Variants in SPRYD4 observed in about 807,000 individuals in gnomAD.
SPRYD4 encodes SPRY domain containing 4, also known as SPRY domain-containing protein 4.
SPRYD4 carries 12 observed loss-of-function variants against 16.6 expected under a neutral mutation model. The observed-to-expected ratio is 0.72, with a 90% CI of 0.46 to 1.17. SPRYD4 has a LOEUF of 1.17. SPRYD4 is among the 50% of genes most tolerant of loss of function. The pLI, the probability that SPRYD4 is intolerant of heterozygous loss-of-function variation, is 0.00. For missense variants in SPRYD4, 260 were observed against 260.2 expected (o/e 1.00, Z 0.00); for synonymous variants, 98 against 105.4 (o/e 0.93, Z 0.43).
chr12:56,473,112 A>T lies in SPRYD4; in HGVS notation c.*3535A>T, dbSNP rs1029867797. ...CACCGTGTTAGCCAGGATGGTCTTG[A>T]TCTCCTGACCTTGTGATCCGCCCGC... On this transcript the variant is annotated 3_prime_UTR_variant, in exon 2 of 2. Transcript: ENST00000338146. 34 of 910,080 alleles carry T rather than the reference A, an allele frequency of 3.7e-5. No homozygotes were observed. Among genetic ancestry groups the T allele is most frequent in the Admixed American group, 2.4e-4 (10 of 42,500 alleles). 56.4% of individuals were successfully genotyped at this position (910,080 alleles called of 1,614,324 possible). A position where few individuals can be genotyped will look rare whatever the true frequency, so the allele number is the denominator to read the frequency against.
Position 56,474,022 on chromosome 12 carries a change from C to A in SPRYD4, c.*4445C>A. On this transcript the variant is annotated 3_prime_UTR_variant, in exon 2 of 2. Transcript: ENST00000338146. ...TTGGAAATGACATCTAAGCTGAGACCCCAAGGAGAAGAGCCAGCAATGTGA... is the reference window on the plus strand; with the variant it reads ...TTGGAAATGACATCTAAGCTGAGACACCAAGGAGAAGAGCCAGCAATGTGA... 5.6e-6 allele frequency: 1 copy of A among 178,216 alleles called. No homozygotes were observed. The highest frequency in any genetic ancestry group is 5.4e-5 in the Admixed American group (1 of 18,364). The allele number at this position is 178,216 out of a possible 1,614,324, so 11.0% of individuals were successfully genotyped here. A position where few individuals can be genotyped will look rare whatever the true frequency, so the allele number is the denominator to read the frequency against.
chr12:56,475,702 A>G lies in SPRYD4; in HGVS notation c.*6125A>G. 6.2e-7 allele frequency: 1 copy of G among 1,613,940 alleles called. No homozygotes were observed. Among genetic ancestry groups the G allele is most frequent in the Non-Finnish European group, 8.5e-7 (1 of 1,179,800 alleles). On this transcript the variant is annotated 3_prime_UTR_variant, in exon 2 of 2. Transcript: ENST00000338146. Reference sequence around the variant, plus strand: ...CAACACCTGGAAGAGAAAAAGGGACATTGAGGCTCCACTTGGTTAAGAAGC... The same window carrying G: ...CAACACCTGGAAGAGAAAAAGGGACGTTGAGGCTCCACTTGGTTAAGAAGC...
Position 56,472,685 on chromosome 12 carries a change from A to G in SPRYD4, c.*3108A>G, listed in dbSNP as rs761742311. 10 of 1,613,402 alleles carry G rather than the reference A, an allele frequency of 6.2e-6. No homozygotes were observed. The highest frequency in any genetic ancestry group is 8.5e-6 in the Non-Finnish European group (10 of 1,179,472). ...ATTGTGTATATTTGGTCACAGTAGCATTACCTTCGAAGAGCTGAGACATCG... is the reference window on the plus strand; with the variant it reads ...ATTGTGTATATTTGGTCACAGTAGCGTTACCTTCGAAGAGCTGAGACATCG... On this transcript the variant is annotated 3_prime_UTR_variant, in exon 2 of 2. Transcript: ENST00000338146.
At position 56,469,303 on chromosome 12, in the gene SPRYD4, T is replaced by C; in HGVS notation, c.350T>C (p.Val117Ala). ...ATGTCCCGGGATAGCTGCATTGGTG[T>C]TGATGATCGTTCCTGGGTGTTCACC... ...VDMSRDSCIG[V>A]DDRSWVFTYA... is the part of the protein sequence containing the mutation. The change falls in exon 2 of 2, where the codon GTT becomes GCT. Residue 117 changes from valine (V) to alanine (A), a missense_variant. Physicochemically the swap from Val to Ala is moderately conservative, Grantham distance 64. Transcript: ENST00000338146. The C allele has an allele frequency of 1.9e-6, 3 of 1,614,102 alleles. No individual in the cohort carries two copies. Among genetic ancestry groups the C allele is most frequent in the Non-Finnish European group, 1.7e-6 (2 of 1,180,002 alleles).
rs1869768062 is a variant in SPRYD4 at position 56,475,924 on chromosome 12, C to A, written c.*6347C>A. On this transcript the variant is annotated 3_prime_UTR_variant, in exon 2 of 2. Coordinates refer to ENST00000338146, the MANE Select transcript of SPRYD4 (RefSeq NM_207344.4). The stretch of plus-strand genomic sequence containing the variant: ...TGCCATGGCGAAATGCAGCCAGGGG[C>A]TAAGTAGCAAGGGAACTTACAAAAT... 1.2e-6 allele frequency: 2 copies of A among 1,613,430 alleles called. No individual in the cohort carries two copies. Among genetic ancestry groups the A allele is most frequent in the African/African-American group, 2.7e-5 (2 of 74,864 alleles).
In SPRYD4 at chr12:56,472,092, C is replaced by T. The variant is rs1869330901; in HGVS notation, c.*2515C>T. The T allele has an allele frequency of 3.7e-6, 6 of 1,609,628 alleles. No homozygotes were observed. The East Asian group carries it at 1.3e-4, about 36-fold the overall frequency. On this transcript the variant is annotated 3_prime_UTR_variant, in exon 2 of 2. Transcript: ENST00000338146. Reference sequence around the variant, plus strand: ...AAGAAAGGGTCTTATGATTACCCTCCTCCTCCCCTCCTTAACCCTTCAGTA... The same window carrying T: ...AAGAAAGGGTCTTATGATTACCCTCTTCCTCCCCTCCTTAACCCTTCAGTA...
In SPRYD4 at chr12:56,475,835, A is replaced by G; in HGVS notation, c.*6258A>G. 1.4e-6 allele frequency: 2 copies of G among 1,411,036 alleles called. No homozygotes were observed. Among genetic ancestry groups the G allele is most frequent in the Non-Finnish European group, 2.0e-6 (2 of 997,598 alleles). 87.4% of individuals were successfully genotyped at this position (1,411,036 alleles called of 1,614,324 possible). A position where few individuals can be genotyped will look rare whatever the true frequency, so the allele number is the denominator to read the frequency against. On this transcript the variant is annotated 3_prime_UTR_variant, in exon 2 of 2. Transcript: ENST00000338146. ...CCACATTTCTGGAAATAAGGCTTCT[A>G]GTATGGGCTGGTGCACCTGGTAGTG... is the stretch of plus-strand genomic sequence containing the variant.
Position 56,475,193 on chromosome 12 carries a change from C to A in SPRYD4, c.*5616C>A, listed in dbSNP as rs749681368. Reference sequence around the variant, plus strand: ...GGAAAAATTACCTTCCCTGGAGAGACAGAACTACATCACACCACAAACTAA... The same window carrying A: ...GGAAAAATTACCTTCCCTGGAGAGAAAGAACTACATCACACCACAAACTAA... On this transcript the variant is annotated 3_prime_UTR_variant, in exon 2 of 2. Coordinates refer to ENST00000338146, the MANE Select transcript of SPRYD4 (RefSeq NM_207344.4). The A allele has an allele frequency of 6.2e-7, 1 of 1,605,966 alleles. No homozygotes were observed. Among genetic ancestry groups the A allele is most frequent in the Non-Finnish European group, 8.5e-7 (1 of 1,179,942 alleles).
chr12:56,468,901 C>T, intron 1 of SPRYD4, 138 bp from the exon 2 acceptor site: 1 of 1,207,366 alleles, frequency 8.3e-7, no homozygotes, highest in Non-Finnish European at 1.1e-6. Flanking sequence ...AGCGACCTCG[C>T]GACTCTCTTG....
Position 56,471,291 on chromosome 12 carries a change from A to G in SPRYD4, c.*1714A>G, listed in dbSNP as rs147621981. On this transcript the variant is annotated 3_prime_UTR_variant, in exon 2 of 2. Transcript: ENST00000338146. Reference sequence around the variant, plus strand: ...ATAGCTGTACTGCAGGTGTCCTCTGAGGCCCTTCTCTGTACTCTGTCTGCT... The same window carrying G: ...ATAGCTGTACTGCAGGTGTCCTCTGGGGCCCTTCTCTGTACTCTGTCTGCT... The G allele has an allele frequency of 4.5e-4, 256 of 572,042 alleles. 2 individuals are homozygous for G. Among genetic ancestry groups the G allele is most frequent in the African/African-American group, 4.4e-3 (234 of 53,428 alleles). The allele number at this position is 572,042 out of a possible 1,614,324, so 35.4% of individuals were successfully genotyped here.
Position 56,469,704 on chromosome 12 carries a change from TATCATG to T in SPRYD4, c.*133_*138del. On this transcript the variant is annotated 3_prime_UTR_variant, in exon 2 of 2. Coordinates refer to ENST00000338146, the MANE Select transcript of SPRYD4 (RefSeq NM_207344.4). ...ATTCAGTGTTGGGTCCTCTGTGCAATATCATGATCATCTTCCTCATCCCCTACCTTG... is the reference window on the plus strand; with the variant it reads ...ATTCAGTGTTGGGTCCTCTGTGCAATATCATCTTCCTCATCCCCTACCTTG... 1 of 904,974 alleles carries T rather than the reference TATCATG, an allele frequency of 1.1e-6. No individual in the cohort carries two copies. 56.1% of individuals were successfully genotyped at this position (904,974 alleles called of 1,614,324 possible).
chr12:56,478,110 G>C lies in SPRYD4; in HGVS notation c.*8533G>C, dbSNP rs780048669. ...CCCACAGAGTGCCTGGAGGCAGACA[G>C]ATGCCATGAAAGGGGTTGGCCTGTG... On this transcript the variant is annotated 3_prime_UTR_variant, in exon 2 of 2. Transcript: ENST00000338146. The C allele has an allele frequency of 6.2e-7, 1 of 1,614,088 alleles. No homozygotes were observed. Among genetic ancestry groups the C allele is most frequent in the Non-Finnish European group, 8.5e-7 (1 of 1,179,940 alleles).
chr12:56,475,666 T>C lies in SPRYD4; in HGVS notation c.*6089T>C, dbSNP rs1294555659. Reference sequence around the variant, plus strand: ...CATGTATTCATTCCCAGCCATTTTGTTGAGATACTGCAACACCTGGAAGAG... The same window carrying C: ...CATGTATTCATTCCCAGCCATTTTGCTGAGATACTGCAACACCTGGAAGAG... On this transcript the variant is annotated 3_prime_UTR_variant, in exon 2 of 2. Transcript: ENST00000338146. 1 of 1,614,218 alleles carries C rather than the reference T, an allele frequency of 6.2e-7. No homozygotes were observed. Among genetic ancestry groups the C allele is most frequent in the Admixed American group, 1.7e-5 (1 of 60,024 alleles).
Position 56,476,453 on chromosome 12 carries a change from G to C in SPRYD4, c.*6876G>C, listed in dbSNP as rs1044176049. On this transcript the variant is annotated 3_prime_UTR_variant, in exon 2 of 2. Coordinates refer to ENST00000338146, the MANE Select transcript of SPRYD4 (RefSeq NM_207344.4). The stretch of plus-strand genomic sequence containing the variant: ...TCCCCATTCCTTACACCCCATGCTG[G>C]AGCTTTACTCCATCCCATTGGCCAG... The C allele has an allele frequency of 5.6e-6, 1 of 177,094 alleles. No homozygotes were observed. Among genetic ancestry groups the C allele is most frequent in the African/African-American group, 2.4e-5 (1 of 41,682 alleles). 11.0% of individuals were successfully genotyped at this position (177,094 alleles called of 1,614,324 possible). A position where few individuals can be genotyped will look rare whatever the true frequency, so the allele number is the denominator to read the frequency against.
Position 56,478,277 on chromosome 12 carries a change from G to A in SPRYD4, c.*8700G>A. 2 of 1,612,932 alleles carry A rather than the reference G, an allele frequency of 1.2e-6. No homozygotes were observed. The highest frequency in any genetic ancestry group is 2.2e-5 in the East Asian group (1 of 44,872). On this transcript the variant is annotated 3_prime_UTR_variant, in exon 2 of 2. Coordinates refer to ENST00000338146, the MANE Select transcript of SPRYD4 (RefSeq NM_207344.4). ...TAGGCTGCCACCTGGACATGAGTGG[G>A]TAGAGAAAAGGGAGATGGATGTGGA...
At position 56,472,891 on chromosome 12, in the gene SPRYD4, T is replaced by TC; in HGVS notation, c.*3314_*3315insC. 1.4e-6 allele frequency: 1 copy of TC among 698,014 alleles called. No homozygotes were observed. Among genetic ancestry groups the TC allele is most frequent in the South Asian group, 1.9e-5 (1 of 52,052 alleles). 43.2% of individuals were successfully genotyped at this position (698,014 alleles called of 1,614,324 possible). On this transcript the variant is annotated 3_prime_UTR_variant, in exon 2 of 2. Coordinates refer to ENST00000338146, the MANE Select transcript of SPRYD4 (RefSeq NM_207344.4). Reference sequence around the variant, plus strand: ...TGTGCTACTCTGAAATATTCTTTTTTTTTTTTTTTTTTTTGAGACGGAGTC... The same window carrying TC: ...TGTGCTACTCTGAAATATTCTTTTTTCTTTTTTTTTTTTTTGAGACGGAGTC...
chr12:56,472,489 T>A lies in SPRYD4; in HGVS notation c.*2912T>A. 1 of 613,952 alleles carries A rather than the reference T, an allele frequency of 1.6e-6. No homozygotes were observed. The highest frequency in any genetic ancestry group is 3.0e-5 in the Admixed American group (1 of 33,882). The allele number at this position is 613,952 out of a possible 1,614,324, so 38.0% of individuals were successfully genotyped here. On this transcript the variant is annotated 3_prime_UTR_variant, in exon 2 of 2. Coordinates refer to ENST00000338146, the MANE Select transcript of SPRYD4 (RefSeq NM_207344.4). ...CACTGCTCTTAACACTCAATAACAA[T>A]GGCTAACATTAATTATCATAGAGCA...
chr12:56,477,936 C>T lies in SPRYD4; in HGVS notation c.*8359C>T. Reference sequence around the variant, plus strand: ...TCTGAGCCTTGGTAGTGCTCACCTTCCTCATTGAGGGAGAGCTTGTTGTAG... The same window carrying T: ...TCTGAGCCTTGGTAGTGCTCACCTTTCTCATTGAGGGAGAGCTTGTTGTAG... On this transcript the variant is annotated 3_prime_UTR_variant, in exon 2 of 2. Coordinates refer to ENST00000338146, the MANE Select transcript of SPRYD4 (RefSeq NM_207344.4). The T allele has an allele frequency of 6.2e-7, 1 of 1,612,514 alleles. No homozygotes were observed. Among genetic ancestry groups the T allele is most frequent in the South Asian group, 1.1e-5 (1 of 90,842 alleles).
At chr12:56,468,797 C>A in intron 1 of SPRYD4, 121 bp downstream of exon 1, 1 of 1,172,560 alleles carries the variant, frequency 8.5e-7, no homozygotes, top group Non-Finnish European at 1.2e-6. Flanking sequence ...CTGCCTTGGT[C>A]TTAAGATTCC....
Sources: gnomAD v4.1 joint callset for allele counts on GRCh38, gnomAD v4.1.1 for gene constraint, MANE v1.5 for transcripts, NCBI Gene and HGNC (gene_info 2026-07-23, HGNC 2026-07-21) for gene names.